The following CENPP variants were observed in gnomAD, a reference collection of about 807,000 sequenced individuals.
The protein encoded by CENPP is centromere protein P.
CENPP carries 24 observed loss-of-function variants against 35.6 expected under a neutral mutation model. The ratio of observed to expected loss-of-function variants is 0.67; its 90% CI spans 0.49 to 0.95. The LOEUF is 0.95. Ranked by LOEUF, CENPP falls within the 40% of genes least tolerant of loss-of-function variation. The pLI is 0.00. For synonymous variants in CENPP, 120 were observed against 125.5 expected, an observed-to-expected ratio of 0.96 and a Z score of 0.29; for missense variants, 332 against 345.3, an observed-to-expected ratio of 0.96 and a Z score of 0.31.
intron 5 of CENPP, among the ~76,000 whole-genome samples, chr9:92,441,758 A>T (rs1304955232): frequency 6.6e-6 from 1 of 152,038 alleles, no homozygotes; most frequent in African/African-American, 2.4e-5. Flanking sequence ...GACTCTTAGG[A>T]AACAAAGCAA....
At position 92,460,623 on chromosome 9, in the gene CENPP, ATTTG is replaced by A. The variant is rs1301069410; in HGVS notation, c.564+80768_564+80771del. On this transcript the variant is annotated intron_variant, in intron 5 of 7. Coordinates refer to ENST00000375587, the MANE Select transcript of CENPP (RefSeq NM_001012267.3). The stretch of plus-strand genomic sequence containing the variant: ...CAAGTATCACTAAGCCCAATTGACT[ATTTG>A]TTTACTTTTCAAGTTTCAGATTATG... 3 of 1,095,444 alleles carry A rather than the reference ATTTG, an allele frequency of 2.7e-6. No homozygotes were observed. In the African/African-American group the frequency reaches 4.8e-5, roughly 17 times the overall value. 67.9% of individuals were successfully genotyped at this position (1,095,444 alleles called of 1,614,324 possible).
chr9:92,566,562 A>G (rs1166688827), intron 5 of CENPP, among the ~76,000 whole-genome samples: 1 of 152,202 alleles, frequency 6.6e-6, no homozygotes, highest in Non-Finnish European at 1.5e-5. Context: ...GGAGCTGAGA[A>G]CTACAATAAC....
chr9:92,608,285 G>A (rs915366495), intron 5 of CENPP, among the ~76,000 whole-genome samples: 2 of 152,276 alleles, frequency 1.3e-5, no homozygotes, highest in East Asian at 3.9e-4. Flanking sequence ...TTTTAAATGT[G>A]ACACATCTAA....
chr9:92,420,014 A>G (rs1247097032), intron 5 of CENPP, among the ~76,000 whole-genome samples: 2 of 152,170 alleles, frequency 1.3e-5, no homozygotes, highest in Non-Finnish European at 2.9e-5. Flanking sequence ...TGTATTTGGA[A>G]TTTGAAGTAG....
intron 5 of CENPP, among the ~76,000 whole-genome samples, chr9:92,530,485 ATATC>A (rs1446818348): frequency 7.9e-5 from 12 of 152,210 alleles, no homozygotes; most frequent in African/African-American, 2.9e-4. Flanking sequence ...AGTAGACAGA[ATATC>A]AATAAGGATT....
At chr9:92,351,232 T>G (rs1211597197) in intron 4 of CENPP, among the ~76,000 whole-genome samples, 1 of 152,152 alleles carries the variant, frequency 6.6e-6, no homozygotes, top group Admixed American at 6.5e-5. Flanking sequence ...GGCTCACGCC[T>G]ATAATCCCAG....
At chr9:92,418,960 A>C (rs1843702107) in intron 5 of CENPP, among the ~76,000 whole-genome samples, 1 of 152,126 alleles carries the variant, frequency 6.6e-6, no homozygotes, top group Non-Finnish European at 1.5e-5. Flanking sequence ...TTTTCCATTA[A>C]TATATTTAAG....
At chr9:92,406,592 CTT>C (rs950589080) in intron 5 of CENPP, among the ~76,000 whole-genome samples, 1 of 152,090 alleles carries the variant, frequency 6.6e-6, no homozygotes, top group African/African-American at 2.4e-5. Flanking sequence ...TTTGGCGTGT[CTT>C]TGCTTGATGG....
chr9:92,616,146 G>T lies in CENPP; in HGVS notation c.*2997G>T. On this transcript the variant is annotated 3_prime_UTR_variant, in exon 8 of 8. Coordinates refer to ENST00000375587, the MANE Select transcript of CENPP (RefSeq NM_001012267.3). ...CTCTCTCCCTTTCTTCTTTCAACTA[G>T]TATGTTTTTATGTTTTTTCTTTGAC... 1 of 879,496 alleles carries T rather than the reference G, an allele frequency of 1.1e-6. No individual in the cohort carries two copies. 54.5% of individuals were successfully genotyped at this position (879,496 alleles called of 1,614,324 possible).
chr9:92,503,132 C>T (rs1846792275), intron 5 of CENPP, among the ~76,000 whole-genome samples: 1 of 152,014 alleles, frequency 6.6e-6, no homozygotes, highest in East Asian at 1.9e-4. Flanking sequence ...AAACACACTG[C>T]CATGGTTATG....
intron 5 of CENPP, among the ~76,000 whole-genome samples, chr9:92,509,006 G>T (rs951109954): frequency 6.6e-6 from 1 of 151,890 alleles, no homozygotes; most frequent in Non-Finnish European, 1.5e-5. Flanking sequence ...AAAGGCATTA[G>T]CTAGAATTCA....
intron 5 of CENPP, among the ~76,000 whole-genome samples, chr9:92,546,686 G>T (rs1849464227): frequency 1.3e-5 from 2 of 152,132 alleles, no homozygotes; most frequent in South Asian, 2.1e-4. Context: ...AGGGTCCGCG[G>T]CTTCATTCTT....
At position 92,440,383 on chromosome 9, in the gene CENPP, A is replaced by AAATAAATC. The variant is rs1336594042; in HGVS notation, c.564+60527_564+60528insAAATCAAT. Among the ~76,000 whole-genome samples, 429 of 151,876 alleles carry AAATAAATC rather than the reference A, an allele frequency of 2.8e-3. 2 individuals are homozygous for AAATAAATC. Among genetic ancestry groups the AAATAAATC allele is most frequent in the African/African-American group, 8.4e-3 (349 of 41,450 alleles). The stretch of plus-strand genomic sequence containing the variant: ...TAAATAAATAAATAAATAAATAAAT[A>AAATAAATC]AATCACAAGAAAACTCATCATGTTT... On this transcript the variant is annotated intron_variant, in intron 5 of 7. Coordinates refer to ENST00000375587, the MANE Select transcript of CENPP (RefSeq NM_001012267.3).
At chr9:92,587,486 G>A (rs967086129) in intron 5 of CENPP, among the ~76,000 whole-genome samples, 1 of 151,806 alleles carries the variant, frequency 6.6e-6, no homozygotes, top group African/African-American at 2.4e-5. Flanking sequence ...AAAGGGGGGG[G>A]ACCAATCAAA....
At chr9:92,357,166 T>A (rs1841610745) in intron 4 of CENPP, among the ~76,000 whole-genome samples, 1 of 152,082 alleles carries the variant, frequency 6.6e-6, no homozygotes, top group African/African-American at 2.4e-5. Flanking sequence ...CTTTTATAAT[T>A]TCACATGTAT....
chr9:92,421,267 T>C (rs904046318), intron 5 of CENPP, among the ~76,000 whole-genome samples: 1 of 152,188 alleles, frequency 6.6e-6, no homozygotes, highest in Non-Finnish European at 1.5e-5. Flanking sequence ...CATGAACTTC[T>C]GGGCTCAACC....
chr9:92,595,424 G>T (rs1249958626), intron 5 of CENPP, among the ~76,000 whole-genome samples: 1 of 151,376 alleles, frequency 6.6e-6, no homozygotes, highest in African/African-American at 2.4e-5. Flanking sequence ...TATTTTTTGT[G>T]GAGATGGGGA....
intron 5 of CENPP, among the ~76,000 whole-genome samples, chr9:92,546,176 C>A (rs946406837): frequency 1.3e-5 from 2 of 152,168 alleles, no homozygotes; most frequent in Non-Finnish European, 2.9e-5. Context: ...CGATTGTAAA[C>A]GCACCAGTCA....
intron 5 of CENPP, chr9:92,385,522 A>G (rs1842382953): frequency 2.0e-6 from 2 of 997,300 alleles, no homozygotes; most frequent in Admixed American, 2.5e-5. Flanking sequence ...AATGAGATAC[A>G]AGGTTAATAT....
Sources: allele counts gnomAD v4.1 joint callset (sites outside exome capture counted in the v4.1 genomes callset), GRCh38; gene constraint gnomAD v4.1.1; transcripts MANE v1.5; gene names NCBI Gene and HGNC (gene_info 2026-07-23, HGNC 2026-07-21).